The following FAM114A2 variants were observed in gnomAD, a reference collection of about 807,000 sequenced individuals.
FAM114A2 encodes family with sequence similarity 114 member A2.
Under a neutral mutation model 58.4 loss-of-function variants are expected in FAM114A2, and 53 were observed. The observed-to-expected ratio is 0.91, with a 90% CI of 0.73 to 1.14. FAM114A2 has a LOEUF of 1.14. Among genes scored for constraint, FAM114A2 ranks in the 50% most tolerant of loss-of-function variants. FAM114A2 has a pLI of 0.00. For synonymous variants in FAM114A2, 228 were observed against 211.4 expected (o/e 1.08, Z -0.68); for missense variants, 601 against 581.1 (o/e 1.03, Z -0.35).
At chr5:154,031,584 TG>T (rs1188224101) in intron 4 of FAM114A2, among the ~76,000 whole-genome samples, 12 of 152,154 alleles carry the variant, frequency 7.9e-5, no homozygotes, top group Non-Finnish European at 1.8e-4. Flanking sequence ...GGCAGTCCAT[TG>T]TAATTTTGGA....
Position 153,991,029 on chromosome 5 carries a change from T to C in FAM114A2, c.*1947A>G, listed in dbSNP as rs1769227874. On this transcript the variant is annotated 3_prime_UTR_variant, in exon 14 of 14. Coordinates refer to ENST00000351797, the MANE Select transcript of FAM114A2 (RefSeq NM_018691.4). ...TATGTGAAGAGTAGACAATTGTTAC[T>C]CAGAATTGGGCCTTTCATCATTTCA... 1 of 151,934 alleles carries C rather than the reference T, an allele frequency of 6.6e-6. No homozygotes were observed. The highest frequency in any genetic ancestry group is 2.4e-5 in the African/African-American group (1 of 41,350). 9.4% of individuals were successfully genotyped at this position (151,934 alleles called of 1,614,324 possible). A position where few individuals can be genotyped will look rare whatever the true frequency, so the allele number is the denominator to read the frequency against.
chr5:153,994,198 GAAGT>G (rs576227921), intron 13 of FAM114A2, among the ~76,000 whole-genome samples: 316 of 152,248 alleles, frequency 2.1e-3, no homozygotes, highest in African/African-American at 7.1e-3. Flanking sequence ...TAAAACTAGA[GAAGT>G]AAGAGTTTGG....
chr5:154,036,828 A>G (rs1484951796), intron 1 of FAM114A2: 3 of 152,220 alleles, frequency 2.0e-5, no homozygotes, highest in Admixed American at 6.5e-5. Flanking sequence ...TGCAAAAACT[A>G]GATGCCAACA....
intron 1 of FAM114A2, among the ~76,000 whole-genome samples, chr5:154,037,903 A>G (rs1772697907): frequency 6.6e-6 from 1 of 152,126 alleles, no homozygotes; most frequent in Non-Finnish European, 1.5e-5. Context: ...CTATTCTTTC[A>G]TTTGTGCCAG....
intron 8 of FAM114A2, among the ~76,000 whole-genome samples, chr5:154,023,752 C>T (rs1397166446): frequency 6.6e-6 from 1 of 151,814 alleles, no homozygotes; most frequent in Non-Finnish European, 1.5e-5. Flanking sequence ...AATCAAACAC[C>T]ACCTGTTCCC....
At chr5:154,033,517 GTA>G (rs2113502974) in intron 4 of FAM114A2, among the ~76,000 whole-genome samples, 1 of 152,156 alleles carries the variant, frequency 6.6e-6, no homozygotes, top group South Asian at 2.1e-4. Context: ...TTTTTATATT[GTA>G]TATTCATGGC....
intron 4 of FAM114A2, among the ~76,000 whole-genome samples, 159 bp downstream of exon 4, chr5:154,033,632 T>C (rs890494122): frequency 2.6e-5 from 4 of 152,230 alleles, no homozygotes; most frequent in South Asian, 2.1e-4. Flanking sequence ...TTAAAGGACA[T>C]AGATGTCTAA....
intron 4 of FAM114A2, among the ~76,000 whole-genome samples, chr5:154,031,346 T>A (rs1772185035): frequency 8.1e-6 from 1 of 122,722 alleles, no homozygotes; most frequent in Non-Finnish European, 1.7e-5. Flanking sequence ...AGCATCAATT[T>A]AAGTTGCAAA....
intron 13 of FAM114A2, among the ~76,000 whole-genome samples, chr5:153,993,461 C>A (rs1287524868): frequency 6.6e-6 from 1 of 152,122 alleles, no homozygotes; most frequent in African/African-American, 2.4e-5. Flanking sequence ...CTGAAAGAGG[C>A]TTTCAGAAGG....
chr5:153,999,632 CAA>C (rs982121320), intron 11 of FAM114A2, among the ~76,000 whole-genome samples: 15 of 71,610 alleles, frequency 2.1e-4, no homozygotes, highest in Non-Finnish European at 1.4e-4. Flanking sequence ...GACTCCATCT[CAA>C]AAAAAAAAAA....
intron 8 of FAM114A2, among the ~76,000 whole-genome samples, chr5:154,024,587 G>A (rs896909876): frequency 2.0e-5 from 3 of 152,080 alleles, no homozygotes; most frequent in Non-Finnish European, 4.4e-5. Context: ...GGAAAGGGAA[G>A]AAGTATTTTA....
chr5:154,032,655 G>A (rs1421006375), intron 4 of FAM114A2, among the ~76,000 whole-genome samples: 1 of 152,172 alleles, frequency 6.6e-6, no homozygotes, highest in East Asian at 1.9e-4. Context: ...TTTAAAGAAA[G>A]AGGGATGCAT....
At position 154,033,883 on chromosome 5, in the gene FAM114A2, C is replaced by A. The variant is rs773693915; in HGVS notation, c.311G>T (p.Gly104Val). 6.3e-7 allele frequency: 1 copy of A among 1,588,098 alleles called. No homozygotes were observed. The highest frequency in any genetic ancestry group is 8.6e-7 in the Non-Finnish European group (1 of 1,163,420). Residue 104 changes from glycine to valine, a missense_variant and splice_region_variant, in exon 4 of 14, where the codon GGA becomes GTA. Coordinates refer to ENST00000351797, the MANE Select transcript of FAM114A2 (RefSeq NM_018691.4). ...SSASATVATV[G>V]QGISNVIEKA... ...CTCGATGACATTTGAAATGCCTTGT[C>A]CTAATGAGAAAAATAACTTTTTTTT... is the stretch of plus-strand genomic sequence containing the variant.
intron 10 of FAM114A2, among the ~76,000 whole-genome samples, 182 bp from the exon 11 acceptor site, chr5:154,002,572 G>A (rs1257943637): frequency 6.6e-6 from 1 of 152,168 alleles, no homozygotes; most frequent in Non-Finnish European, 1.5e-5. Flanking sequence ...AGTCAGGTGT[G>A]ACGAAGTAAC....
intron 8 of FAM114A2, among the ~76,000 whole-genome samples, chr5:154,011,600 T>A (rs1770705060): frequency 6.6e-6 from 1 of 152,200 alleles, no homozygotes; most frequent in Admixed American, 6.5e-5. Context: ...TCCCCAAGAC[T>A]GCATAGCAAA....
In FAM114A2 at chr5:154,002,136, T is replaced by C. The variant is rs910096315; in HGVS notation, c.1256+115A>G. On this transcript the variant is annotated intron_variant, in intron 11 of 13. Coordinates refer to ENST00000351797, the MANE Select transcript of FAM114A2 (RefSeq NM_018691.4). ...ACCAAAATGAACAAACCATCTAATA[T>C]GTGGATGGGTGTGACGTGAATGGTT... The C allele has an allele frequency of 5.1e-5, 43 of 844,094 alleles. No individual in the cohort carries two copies. The African/African-American group carries it at 7.0e-4, about 14-fold the overall frequency. 52.3% of individuals were successfully genotyped at this position (844,094 alleles called of 1,614,324 possible).
intron 6 of FAM114A2, 111 bp downstream of exon 6, chr5:154,028,038 A>G (rs1771913313): frequency 1.0e-6 from 1 of 997,376 alleles, no homozygotes; most frequent in African/African-American, 1.6e-5. Context: ...GCCTGAATAA[A>G]CATTATTGAA....
chr5:154,006,352 C>T (rs1184350134), intron 9 of FAM114A2, among the ~76,000 whole-genome samples: 2 of 152,018 alleles, frequency 1.3e-5, no homozygotes, highest in Non-Finnish European at 2.9e-5. Context: ...AATGGAGTAA[C>T]GGTGGGTATG....
chr5:154,004,328 A>G (rs1581776664), intron 9 of FAM114A2, among the ~76,000 whole-genome samples: 2 of 152,126 alleles, frequency 1.3e-5, no homozygotes, highest in East Asian at 3.9e-4. Context: ...CCAGTCTCTT[A>G]AACGCCAATA....
Sources: gnomAD v4.1 joint callset for allele counts (sites outside exome capture counted in the v4.1 genomes callset) on GRCh38, gnomAD v4.1.1 for gene constraint, MANE v1.5 for transcripts, NCBI Gene and HGNC (gene_info 2026-07-23, HGNC 2026-07-21) for gene names.